The following PPP2R2B variants were observed in gnomAD, a reference collection of about 807,000 sequenced individuals.
PPP2R2B encodes the protein serine/threonine-protein phosphatase 2A 55 kDa regulatory subunit B beta isoform.
Under a neutral mutation model 46.0 loss-of-function variants are expected in PPP2R2B, and 5 were observed. That is an observed-to-expected ratio of 0.11 (90% CI 0.06 to 0.23). The LOEUF is 0.23. PPP2R2B is among the 10% of genes least tolerant of loss of function. PPP2R2B has a pLI of 1.00. For missense variants in PPP2R2B, 367 were observed against 575.0 expected (o/e 0.64, Z 3.70); for synonymous variants, 215 against 206.7 (o/e 1.04, Z -0.34).
intron 2 of PPP2R2B, among the ~76,000 whole-genome samples, chr5:146,766,779 C>T (rs1295802134): frequency 6.6e-6 from 1 of 152,060 alleles, no homozygotes; most frequent in East Asian, 1.9e-4. Flanking sequence ...GAAGGTGGGG[C>T]ACGGTGGCTC....
chr5:146,589,650 G>T lies in PPP2R2B; in HGVS notation c.*297C>A. 1 of 353,528 alleles carries T rather than the reference G, an allele frequency of 2.8e-6. No individual in the cohort carries two copies. The highest frequency in any genetic ancestry group is 5.2e-6 in the Non-Finnish European group (1 of 194,036). The allele number at this position is 353,528 out of a possible 1,614,324, so 21.9% of individuals were successfully genotyped here. ...AGCAGACACCTAGGAACAAAACACT[G>T]GACCCACCAGAGAAAACTGGGCAAT... On this transcript the variant is annotated 3_prime_UTR_variant, in exon 10 of 10. Transcript: ENST00000394411.
intron 2 of PPP2R2B, among the ~76,000 whole-genome samples, chr5:146,756,689 A>G (rs562283823): frequency 6.6e-6 from 1 of 152,348 alleles, no homozygotes; most frequent in South Asian, 2.1e-4. Flanking sequence ...GCTGATAATA[A>G]TAGTACCAGC....
At position 147,080,414 on chromosome 5, in the gene PPP2R2B, T is replaced by C. The variant is rs111284293; in HGVS notation, c.50+645A>G. ...ACCCAGAAGTGCTATTCTAGTTCCT[T>C]CCAATTGCCTATCATCCAGTGTTTT... On this transcript the variant is annotated intron_variant, in intron 2 of 10. Transcript: ENST00000394413. Among the ~76,000 whole-genome samples, 733 of 152,296 alleles carry C rather than the reference T, an allele frequency of 4.8e-3. 2 individuals carry two copies. Among genetic ancestry groups the C allele is most frequent in the Non-Finnish European group, 8.7e-3 (589 of 68,020 alleles).
At chr5:146,687,612 G>T (rs1778588692) in intron 5 of PPP2R2B, among the ~76,000 whole-genome samples, 1 of 152,056 alleles carries the variant, frequency 6.6e-6, no homozygotes, top group African/African-American at 2.4e-5. Flanking sequence ...CAACTGTAAG[G>T]CATTATTATT....
chr5:146,986,667 A>C (rs1304810273), intron 1 of PPP2R2B, among the ~76,000 whole-genome samples: 1 of 152,214 alleles, frequency 6.6e-6, no homozygotes, highest in African/African-American at 2.4e-5. Context: ...AAGCAGAAGA[A>C]ATAATCAGTG....
intron 5 of PPP2R2B, among the ~76,000 whole-genome samples, chr5:146,657,339 A>T (rs1776397078): frequency 6.6e-6 from 1 of 152,188 alleles, no homozygotes; most frequent in Admixed American, 6.5e-5. Flanking sequence ...GAGAGAAGAG[A>T]TGGCCAGATA....
At chr5:146,721,438 A>C (rs1029546634) in intron 2 of PPP2R2B, among the ~76,000 whole-genome samples, 1 of 152,182 alleles carries the variant, frequency 6.6e-6, no homozygotes, top group Non-Finnish European at 1.5e-5. Flanking sequence ...ACCCACACAG[A>C]AGAATCTTGA....
intron 1 of PPP2R2B, among the ~76,000 whole-genome samples, chr5:147,049,627 C>A (rs1242855491): frequency 6.6e-6 from 1 of 152,160 alleles, no homozygotes; most frequent in Non-Finnish European, 1.5e-5. Context: ...GATAAGGAAG[C>A]AGCAGGGAGT....
intron 1 of PPP2R2B, among the ~76,000 whole-genome samples, chr5:147,035,579 A>G (rs1034982358): frequency 1.3e-5 from 2 of 152,206 alleles, no homozygotes; most frequent in African/African-American, 2.4e-5. Flanking sequence ...TTGCTTGACC[A>G]TTTAATCTTG....
At chr5:146,812,810 TATATATATATATATATATACAC>T (rs1434784122) in intron 2 of PPP2R2B, among the ~76,000 whole-genome samples, 1 of 66,792 alleles carries the variant, frequency 1.5e-5, no homozygotes, top group African/African-American at 6.0e-5. Context: ...TATATATATA[TATATATATATATATATATACAC>T]ACACATTTCC....
At chr5:146,821,858 G>A (rs1211571806) in intron 2 of PPP2R2B, among the ~76,000 whole-genome samples, 1 of 151,758 alleles carries the variant, frequency 6.6e-6, no homozygotes, top group Admixed American at 6.6e-5. Context: ...CAAGTATGAT[G>A]CCACATTGTA....
chr5:146,774,064 G>A (rs1755028413), intron 2 of PPP2R2B, among the ~76,000 whole-genome samples: 1 of 152,152 alleles, frequency 6.6e-6, no homozygotes, highest in Non-Finnish European at 1.5e-5. Context: ...GGTGAATTCT[G>A]TGGACTTATA....
At chr5:147,022,557 CA>C (rs35755206) in intron 1 of PPP2R2B, among the ~76,000 whole-genome samples, 81,130 of 147,084 alleles carry the variant, frequency 0.55, 22,448 homozygotes, top group Middle Eastern at 0.62. Flanking sequence ...AGGCTCCATC[CA>C]AAAAAAAAAA....
intron 1 of PPP2R2B, among the ~76,000 whole-genome samples, chr5:146,954,463 G>T (rs1361973601): frequency 2.0e-5 from 3 of 152,130 alleles, no homozygotes; most frequent in African/African-American, 7.2e-5. Flanking sequence ...TAAGCTATGA[G>T]GATGCAAAGG....
At position 146,589,817 on chromosome 5, in the gene PPP2R2B, A is replaced by G; in HGVS notation, c.*130T>C. On this transcript the variant is annotated 3_prime_UTR_variant, in exon 10 of 10. Coordinates refer to ENST00000394411, the MANE Select transcript of PPP2R2B (RefSeq NM_181675.4). The stretch of plus-strand genomic sequence containing the variant: ...GAGCTGGGAATGTTGGACTCCTTTT[A>G]ATTCTATTCCAATCATTTCCTGTAT... 3.9e-6 allele frequency: 4 copies of G among 1,023,718 alleles called. No homozygotes were observed. The highest frequency in any genetic ancestry group is 5.7e-6 in the Non-Finnish European group (4 of 700,616). 63.4% of individuals were successfully genotyped at this position (1,023,718 alleles called of 1,614,324 possible).
chr5:146,964,862 C>A (rs892767019), intron 1 of PPP2R2B, among the ~76,000 whole-genome samples: 4 of 152,100 alleles, frequency 2.6e-5, no homozygotes, highest in Non-Finnish European at 5.9e-5. Context: ...GACAAAGGGT[C>A]CTCTTTTGGG....
At chr5:146,877,851 T>G in intron 2 of PPP2R2B, 151 bp downstream of exon 2, 1 of 870,572 alleles carries the variant, frequency 1.1e-6, no homozygotes. Context: ...GGATGCGAGG[T>G]GCACTGGGGC....
At chr5:146,790,039 A>C (rs750822717) in intron 2 of PPP2R2B, among the ~76,000 whole-genome samples, 8 of 152,222 alleles carry the variant, frequency 5.3e-5, no homozygotes, top group Non-Finnish European at 1.2e-4. Context: ...GACATGCCCC[A>C]TCTCTGGGGG....
intron 1 of PPP2R2B, among the ~76,000 whole-genome samples, chr5:146,992,603 C>A (rs182167854): frequency 6.6e-6 from 1 of 152,254 alleles, no homozygotes; most frequent in African/African-American, 2.4e-5. Context: ...ACCTTATCAC[C>A]GCCAGGGTGT....
Sources: gnomAD v4.1 joint callset for allele counts (sites outside exome capture counted in the v4.1 genomes callset) on GRCh38, gnomAD v4.1.1 for gene constraint, MANE v1.5 for transcripts, NCBI Gene and HGNC (gene_info 2026-07-23, HGNC 2026-07-21) for gene names.